The following CCL17 variants were observed in gnomAD, a reference collection of about 807,000 sequenced individuals.
CCL17 encodes C-C motif chemokine 17.
A neutral mutation model predicts 7.4 loss-of-function variants in CCL17; 8 were observed. That is an observed-to-expected ratio of 1.09 (90% CI 0.64 to 1.96). CCL17 has a LOEUF of 1.96. Ranked by LOEUF, CCL17 falls within the 30% of genes most tolerant of loss-of-function variation. CCL17 has a pLI of 0.00. For synonymous variants in CCL17, 40 were observed against 46.1 expected (o/e 0.87, Z 0.54); for missense variants, 102 against 113.0 (o/e 0.90, Z 0.44).
In CCL17 at chr16:57,414,028, G is replaced by T. The variant is rs1167156523; in HGVS notation, c.70+26G>T. The T allele has an allele frequency of 3.7e-6, 6 of 1,600,834 alleles. No homozygotes were observed. In the Admixed American group the frequency reaches 1.0e-4, roughly 27 times the overall value. On this transcript the variant is annotated intron_variant, in intron 2 of 3. Coordinates refer to ENST00000219244, the MANE Select transcript of CCL17 (RefSeq NM_002987.3). ...GTGAGAGCAGGGGACAGGTGGCCAG[G>T]GGCAGGCACCGGGAGGACAGGGGTT...
chr16:57,408,786 G>A (rs1339734086), intron 1 of CCL17, among the ~76,000 whole-genome samples: 3 of 151,964 alleles, frequency 2.0e-5, no homozygotes, highest in African/African-American at 7.2e-5. Flanking sequence ...ATGTTGGCCA[G>A]GATGGTCTCG....
chr16:57,400,754 C>T (rs931634812), upstream of CCL17, among the ~76,000 whole-genome samples: 2 of 152,044 alleles, frequency 1.3e-5, no homozygotes, highest in African/African-American at 4.8e-5. Flanking sequence ...GGATCACCTG[C>T]GGTCAGGAGT....
intron 1 of CCL17, among the ~76,000 whole-genome samples, chr16:57,408,937 T>C (rs1218635591): frequency 1.3e-5 from 2 of 152,148 alleles, no homozygotes; most frequent in African/African-American, 4.8e-5. Context: ...CTTGAACTCC[T>C]GGGCTCAAGT....
At chr16:57,403,451 ATT>A (rs1902633139), upstream of CCL17, among the ~76,000 whole-genome samples, 13 of 10,768 alleles carry the variant, frequency 1.2e-3, 1 homozygote, top group Non-Finnish European at 1.7e-3. Flanking sequence ...TATATATTAT[ATT>A]ATAATATATA....
In CCL17 at chr16:57,414,048, G is replaced by A. The variant is rs1414542936; in HGVS notation, c.70+46G>A. On this transcript the variant is annotated intron_variant, in intron 2 of 3. Coordinates refer to ENST00000219244, the MANE Select transcript of CCL17 (RefSeq NM_002987.3). ...GCCAGGGGCAGGCACCGGGAGGACA[G>A]GGGTTGGGGGCATGAAGACCACCAC... The A allele has an allele frequency of 2.6e-6, 4 of 1,522,646 alleles. No homozygotes were observed. The South Asian group carries it at 4.7e-5, about 18-fold the overall frequency. 94.3% of individuals were successfully genotyped at this position (1,522,646 alleles called of 1,614,324 possible). A position where few individuals can be genotyped will look rare whatever the true frequency, so the allele number is the denominator to read the frequency against.
chr16:57,400,144 G>A (rs1443007688), upstream of CCL17, among the ~76,000 whole-genome samples: 3 of 152,168 alleles, frequency 2.0e-5, no homozygotes, highest in Admixed American at 2.0e-4. Context: ...CGGATCACGA[G>A]GTCAGGAGAT....
At chr16:57,410,583 G>T (rs1902767838) in intron 1 of CCL17, among the ~76,000 whole-genome samples, 1 of 152,122 alleles carries the variant, frequency 6.6e-6, no homozygotes, top group South Asian at 2.1e-4. Flanking sequence ...AGACCTCCAG[G>T]TCCTAGAATC....
chr16:57,415,825 T>G lies in CCL17; in HGVS notation c.249T>G (p.Asn83Lys). 3 of 1,613,304 alleles carry G rather than the reference T, an allele frequency of 1.9e-6. No individual in the cohort carries two copies. Among genetic ancestry groups the G allele is most frequent in the Non-Finnish European group, 2.5e-6 (3 of 1,179,222 alleles). ...ACCCCAACAACAAGAGAGTGAAGAATGCAGTTAAATACCTGCAAAGCCTTG... is the reference window on the plus strand; with the variant it reads ...ACCCCAACAACAAGAGAGTGAAGAAGGCAGTTAAATACCTGCAAAGCCTTG... ...CSDPNNKRVK[N>K]AVKYLQSLER... The change falls in exon 4 of 4, where the codon AAT (asparagine) becomes AAG (lysine). Residue 83 changes from asparagine (N) to lysine (K), a missense_variant. Asn to Lys is a moderately conservative substitution (Grantham distance 94). Coordinates refer to ENST00000219244, the MANE Select transcript of CCL17 (RefSeq NM_002987.3). This position sits in a 1 kb window ranked among gnomAD's most constrained non-coding sequence, Gnocchi z 4.5.
intron 1 of CCL17, among the ~76,000 whole-genome samples, chr16:57,410,854 A>C (rs1229962571): frequency 6.6e-6 from 1 of 152,174 alleles, no homozygotes; most frequent in Non-Finnish European, 1.5e-5. Context: ...GTCAGGTGAC[A>C]CTGAAGGTTC....
intron 1 of CCL17, 61 bp from the exon 2 acceptor site, chr16:57,413,812 AG>A: frequency 2.9e-6 from 2 of 696,618 alleles, no homozygotes; most frequent in East Asian, 2.8e-5. Flanking sequence ...GAGGTGACAG[AG>A]GGGCGGGGCA....
intron 1 of CCL17, among the ~76,000 whole-genome samples, chr16:57,411,038 G>C (rs74431486): frequency 6.6e-6 from 1 of 152,258 alleles, no homozygotes; most frequent in African/African-American, 2.4e-5. Flanking sequence ...CTGCACCTTT[G>C]CCTAAACAGT....
chr16:57,410,268 A>G (rs892139842), intron 1 of CCL17, among the ~76,000 whole-genome samples: 14 of 152,288 alleles, frequency 9.2e-5, no homozygotes, highest in Admixed American at 5.2e-4. Flanking sequence ...TGCCTGGCCC[A>G]GTGCCCTCTG....
At chr16:57,406,027 G>A (rs1342089478) in intron 1 of CCL17, among the ~76,000 whole-genome samples, 1 of 143,460 alleles carries the variant, frequency 7.0e-6, no homozygotes, top group African/African-American at 2.6e-5. Flanking sequence ...GGGCGAAAGA[G>A]CAAGACTCCG....
chr16:57,409,148 G>T (rs1159291715), intron 1 of CCL17, among the ~76,000 whole-genome samples: 2 of 152,320 alleles, frequency 1.3e-5, no homozygotes, highest in Non-Finnish European at 2.9e-5. Flanking sequence ...AATACAATAT[G>T]AAGACAGCCA....
upstream of CCL17, among the ~76,000 whole-genome samples, chr16:57,401,212 C>T (rs370946205): frequency 2.0e-5 from 3 of 151,962 alleles, no homozygotes; most frequent in South Asian, 2.1e-4. Context: ...ATGATGGTGT[C>T]GATATAAAGC....
At chr16:57,411,116 C>T (rs1420028038) in intron 1 of CCL17, among the ~76,000 whole-genome samples, 1 of 152,222 alleles carries the variant, frequency 6.6e-6, no homozygotes, top group East Asian at 1.9e-4. Flanking sequence ...AGCCCTAGGC[C>T]CTACAGCCAC....
intron 1 of CCL17, among the ~76,000 whole-genome samples, chr16:57,407,009 G>A (rs1001291544): frequency 2.0e-5 from 3 of 152,168 alleles, no homozygotes; most frequent in African/African-American, 7.2e-5. Flanking sequence ...ACATTGCTGA[G>A]GATTAATTAA....
At chr16:57,403,020 CAAA>C (rs532901212), upstream of CCL17, among the ~76,000 whole-genome samples, 16 of 56,726 alleles carry the variant, frequency 2.8e-4, no homozygotes, top group Admixed American at 9.0e-4. Context: ...AGCATTTCAG[CAAA>C]AAAAAAAAAA....
At chr16:57,413,772 G>A (rs557786281) in intron 1 of CCL17, 102 bp from the exon 2 acceptor site, 28 of 525,342 alleles carry the variant, frequency 5.3e-5, no homozygotes, top group Non-Finnish European at 8.6e-5. Flanking sequence ...CAAATTCTTC[G>A]AACTTCACTG....
Sources: gnomAD v4.1 joint callset for allele counts (sites outside exome capture counted in the v4.1 genomes callset) on GRCh38, gnomAD v4.1.1 for gene constraint, Gnocchi (gnomAD v3.1) non-coding constraint, MANE v1.5 for transcripts, NCBI Gene and HGNC (gene_info 2026-07-23, HGNC 2026-07-21) for gene names.